The following BMAL1 variants were observed in gnomAD, a reference collection of about 807,000 sequenced individuals.
BMAL1 encodes basic helix-loop-helix ARNT like 1, also known as basic helix-loop-helix ARNT-like protein 1.
the BMAL1 span, among the ~76,000 whole-genome samples, chr11:13,309,782 A>C: frequency 6.6e-6 from 1 of 152,146 alleles, no homozygotes; most frequent in Admixed American, 6.5e-5. Flanking sequence ...ATGCCGCCAC[A>C]GTTCCATGGG....
the BMAL1 span, chr11:13,381,122 T>C: frequency 5.0e-6 from 8 of 1,600,522 alleles, no homozygotes; most frequent in Non-Finnish European, 6.9e-6. Flanking sequence ...TACACTCCAC[T>C]GAAAAAAGAA....
chr11:13,300,257 G>C, the BMAL1 span, among the ~76,000 whole-genome samples: 1 of 152,104 alleles, frequency 6.6e-6, no homozygotes, highest in Non-Finnish European at 1.5e-5. Context: ...TCTAATTTTT[G>C]CTCTTTCAGC....
the BMAL1 span, among the ~76,000 whole-genome samples, chr11:13,299,108 C>T: frequency 1.8e-3 from 278 of 152,240 alleles, 2 homozygotes; most frequent in African/African-American, 5.8e-3. Flanking sequence ...GCATCACTGC[C>T]GTCTGATGTT....
chr11:13,280,786 C>A, the BMAL1 span, among the ~76,000 whole-genome samples: 2 of 152,198 alleles, frequency 1.3e-5, no homozygotes, highest in Non-Finnish European at 2.9e-5. Flanking sequence ...TCTGACTCAA[C>A]CCCCTCAGCA....
chr11:13,294,558 C>T, the BMAL1 span, among the ~76,000 whole-genome samples: 1 of 152,210 alleles, frequency 6.6e-6, no homozygotes, highest in East Asian at 1.9e-4. Context: ...AGATTCTTTT[C>T]TGAGTGAGGC....
chr11:13,294,279 T>C, the BMAL1 span, among the ~76,000 whole-genome samples: 2 of 152,238 alleles, frequency 1.3e-5, no homozygotes, highest in Non-Finnish European at 2.9e-5. Context: ...CAGTGCGCTC[T>C]AAACTCTTTT....
the BMAL1 span, chr11:13,366,853 G>A: frequency 1.6e-6 from 2 of 1,271,874 alleles, no homozygotes; most frequent in Non-Finnish European, 2.3e-6. Context: ...GTGAGCAGAG[G>A]GCGGGTGTGT....
the BMAL1 span, among the ~76,000 whole-genome samples, chr11:13,336,701 G>C: frequency 6.6e-6 from 1 of 152,208 alleles, no homozygotes; most frequent in Non-Finnish European, 1.5e-5. Flanking sequence ...TTGTGTGCCT[G>C]TTGGGTTGAT....
At chr11:13,285,666 G>T in the BMAL1 span, among the ~76,000 whole-genome samples, 1 of 152,150 alleles carries the variant, frequency 6.6e-6, no homozygotes, top group African/African-American at 2.4e-5. Flanking sequence ...AGTGTGACTC[G>T]ATTATGAGCT....
the BMAL1 span, among the ~76,000 whole-genome samples, chr11:13,321,255 C>T: frequency 7.4e-3 from 1,128 of 152,192 alleles, 14 homozygotes; most frequent in African/African-American, 0.026. Flanking sequence ...CCTTTTTCTA[C>T]GGTAGATATA....
chr11:13,300,257 G>T, the BMAL1 span, among the ~76,000 whole-genome samples: 1 of 152,104 alleles, frequency 6.6e-6, no homozygotes, highest in African/African-American at 2.4e-5. Flanking sequence ...TCTAATTTTT[G>T]CTCTTTCAGC....
chr11:13,378,030 C>T, the BMAL1 span, among the ~76,000 whole-genome samples: 3 of 152,170 alleles, frequency 2.0e-5, no homozygotes, highest in Non-Finnish European at 4.4e-5. Context: ...TCCTTGAGGG[C>T]AGGGACTTGT....
chr11:13,359,773 T>C, the BMAL1 span, among the ~76,000 whole-genome samples: 4 of 152,204 alleles, frequency 2.6e-5, no homozygotes, highest in Non-Finnish European at 4.4e-5. Flanking sequence ...CTAAGTCTTG[T>C]CCCCTTTCAG....
At chr11:13,346,886 C>CGGCAGG in the BMAL1 span, among the ~76,000 whole-genome samples, 1 of 152,212 alleles carries the variant, frequency 6.6e-6, no homozygotes, top group African/African-American at 2.4e-5. Context: ...AGCCCACCCT[C>CGGCAGG]GGCAAGGATA....
chr11:13,330,293 C>T, the BMAL1 span, among the ~76,000 whole-genome samples: 1 of 152,142 alleles, frequency 6.6e-6, no homozygotes, highest in Admixed American at 6.5e-5. Context: ...CTGTGAGTGT[C>T]TGTGGGTGTT....
the BMAL1 span, among the ~76,000 whole-genome samples, chr11:13,304,223 C>T: frequency 2.0e-5 from 3 of 152,034 alleles, no homozygotes; most frequent in African/African-American, 4.8e-5. Context: ...GAGAAGCGGG[C>T]GTTTGCGGGT....
the BMAL1 span, among the ~76,000 whole-genome samples, chr11:13,327,930 T>C: frequency 0.65 from 86,160 of 132,772 alleles, 24,676 homozygotes; most frequent in Middle Eastern, 0.71. Context: ...GTCATTGTGC[T>C]ACTCCACATT....
At chr11:13,376,768 G>T in the BMAL1 span, 2 of 1,589,412 alleles carry the variant, frequency 1.3e-6, no homozygotes, top group Middle Eastern at 1.8e-4. Context: ...TTGCCCGTGG[G>T]AAGGTGCTTG....
At chr11:13,381,421 G>A in the BMAL1 span, among the ~76,000 whole-genome samples, 4 of 152,158 alleles carry the variant, frequency 2.6e-5, no homozygotes, top group Non-Finnish European at 5.9e-5. Flanking sequence ...ATACTGGTAG[G>A]GCTAGGGAGG....
Sources: allele counts gnomAD v4.1 joint callset (sites outside exome capture counted in the v4.1 genomes callset), GRCh38; gene constraint gnomAD v4.1.1; transcripts MANE v1.5; gene names NCBI Gene and HGNC (gene_info 2026-07-23, HGNC 2026-07-21).